PTPRT: variants seen among roughly 807,000 people sequenced by gnomAD.
The protein encoded by PTPRT is protein tyrosine phosphatase receptor type T.
In PTPRT, 56 loss-of-function variants were observed where a neutral mutation model predicts 176.8. That is an observed-to-expected ratio of 0.32 (90% CI 0.26 to 0.40). The LOEUF is 0.40. Among genes scored for constraint, PTPRT ranks in the 10% least tolerant of loss-of-function variants. The pLI, the probability that PTPRT is intolerant of heterozygous loss-of-function variation, is 1.00. For missense variants in PTPRT, 1,540 were observed against 1,908.2 expected (o/e 0.81, Z 3.60); for synonymous variants, 783 against 739.0 (o/e 1.06, Z -0.96).
At chr20:43,131,435 C>G (rs182386617) in intron 1 of PTPRT, among the ~76,000 whole-genome samples, 1 of 152,304 alleles carries the variant, frequency 6.6e-6, no homozygotes, top group Admixed American at 6.5e-5. Context: ...TTGGAACTTT[C>G]AAATGTTTCT....
At chr20:42,964,589 C>A (rs1286043103) in intron 1 of PTPRT, among the ~76,000 whole-genome samples, 1 of 151,820 alleles carries the variant, frequency 6.6e-6, no homozygotes, top group Non-Finnish European at 1.5e-5. Flanking sequence ...CCTGACAGAT[C>A]AAAAAGGAAA....
At position 42,080,504 on chromosome 20, in the gene PTPRT, G is replaced by A. The variant is rs981008560; in HGVS notation, c.*375C>T. 2 of 265,338 alleles carry A rather than the reference G, an allele frequency of 7.5e-6. No homozygotes were observed. The highest frequency in any genetic ancestry group is 1.4e-5 in the Non-Finnish European group (2 of 138,686). 16.4% of individuals were successfully genotyped at this position (265,338 alleles called of 1,614,324 possible). On this transcript the variant is annotated 3_prime_UTR_variant, in exon 31 of 31. Transcript: ENST00000373187. ...CTCCTCCACTCCTAAGGAGAAGGAG[G>A]GCAGGGGAGCCTCCCACTCCCCAGC...
chr20:43,125,771 G>A (rs538413279), intron 1 of PTPRT, among the ~76,000 whole-genome samples: 22 of 152,140 alleles, frequency 1.4e-4, no homozygotes, highest in Admixed American at 2.0e-4. Context: ...AAGCCCTCAG[G>A]GAGACCTCTG....
At chr20:42,545,863 C>T (rs2072664607) in intron 7 of PTPRT, among the ~76,000 whole-genome samples, 1 of 152,152 alleles carries the variant, frequency 6.6e-6, no homozygotes. Context: ...AAATTAAATG[C>T]ATCTGTATGT....
rs2015461660 is a variant in PTPRT at position 43,188,758 on chromosome 20, G to GGGGC, written c.88+887_88+888insGCCC. Reference sequence around the variant, plus strand: ...CCTCCGCCGCTACTCTTGGGGGGGGGGGGGCTCGGGGGTGGAAGCTGCCTG... The same window carrying GGGGC: ...CCTCCGCCGCTACTCTTGGGGGGGGGGGGCGGGGCTCGGGGGTGGAAGCTGCCTG... On this transcript the variant is annotated intron_variant, in intron 1 of 30. Coordinates refer to ENST00000373187, the MANE Select transcript of PTPRT (RefSeq NM_007050.6). 1.3e-5 allele frequency among the ~76,000 whole-genome samples: 2 copies of GGGGC among 149,564 alleles called. 1 individual carries two copies. The highest frequency in any genetic ancestry group is 4.3e-4 in the South Asian group (2 of 4,614).
At chr20:42,612,369 G>T (rs1440303290) in intron 7 of PTPRT, among the ~76,000 whole-genome samples, 2 of 152,148 alleles carry the variant, frequency 1.3e-5, no homozygotes, top group African/African-American at 2.4e-5. Flanking sequence ...GGGAAGAGGG[G>T]AGAAACACCC....
At chr20:42,490,900 T>C (rs1386930720) in intron 7 of PTPRT, among the ~76,000 whole-genome samples, 1 of 152,202 alleles carries the variant, frequency 6.6e-6, no homozygotes, top group Non-Finnish European at 1.5e-5. Flanking sequence ...AATTGGTGAA[T>C]ACCTTTATCA....
At chr20:42,216,528 C>T (rs1568680536) in intron 15 of PTPRT, among the ~76,000 whole-genome samples, 1 of 152,116 alleles carries the variant, frequency 6.6e-6, no homozygotes, top group Non-Finnish European at 1.5e-5. Context: ...CAGTCATTTG[C>T]CTATCTTCTC....
intron 1 of PTPRT, among the ~76,000 whole-genome samples, chr20:43,027,344 C>T (rs112699351): frequency 0.017 from 2,538 of 151,880 alleles, 71 homozygotes; most frequent in African/African-American, 0.058. Flanking sequence ...GGTATGGTGG[C>T]GGGTGCCCAT....
intron 7 of PTPRT, among the ~76,000 whole-genome samples, chr20:42,511,850 AT>A (rs564389875): frequency 2.2e-4 from 33 of 152,182 alleles, no homozygotes; most frequent in African/African-American, 7.9e-4. Flanking sequence ...GTTCCTACCA[AT>A]GACAGCAAAG....
At chr20:43,068,217 A>G (rs1173140176) in intron 1 of PTPRT, among the ~76,000 whole-genome samples, 2 of 147,332 alleles carry the variant, frequency 1.4e-5, no homozygotes, top group African/African-American at 5.0e-5. Flanking sequence ...TTTAAAACGA[A>G]TTAGGGGCCA....
chr20:42,400,492 G>A (rs1292919836), intron 9 of PTPRT, among the ~76,000 whole-genome samples: 1 of 152,046 alleles, frequency 6.6e-6, no homozygotes, highest in Non-Finnish European at 1.5e-5. Flanking sequence ...AGATATATGC[G>A]AAACTGGGGA....
chr20:42,620,801 G>T (rs910153210), intron 7 of PTPRT, among the ~76,000 whole-genome samples: 1 of 152,114 alleles, frequency 6.6e-6, no homozygotes, highest in African/African-American at 2.4e-5. Context: ...GCTTCGGCTT[G>T]CGCACGGTGC....
At chr20:42,418,716 G>C (rs571649251) in intron 9 of PTPRT, among the ~76,000 whole-genome samples, 1 of 152,244 alleles carries the variant, frequency 6.6e-6, no homozygotes, top group East Asian at 1.9e-4. Flanking sequence ...GATCTGGAGA[G>C]GGGTAGGGTA....
intron 9 of PTPRT, among the ~76,000 whole-genome samples, chr20:42,416,616 C>A (rs1038867259): frequency 2.0e-5 from 3 of 152,178 alleles, no homozygotes; most frequent in Non-Finnish European, 4.4e-5. Context: ...TAATTCATGG[C>A]TGACTCTGGC....
Position 43,068,438 on chromosome 20 carries a change from G to A in PTPRT, c.88+121208C>T, listed in dbSNP as rs896879968. On this transcript the variant is annotated intron_variant, in intron 1 of 30. Coordinates refer to ENST00000373187, the MANE Select transcript of PTPRT (RefSeq NM_007050.6). ...GAAGAATGGCGTGAACCCGGGAGGC[G>A]GAGGTTGCAGTAGCCGAGACCGCGC... 1.5e-4 allele frequency among the ~76,000 whole-genome samples: 23 copies of A among 150,708 alleles called. 1 individual carries two copies. Among genetic ancestry groups the A allele is most frequent in the Non-Finnish European group, 8.9e-5 (6 of 67,660 alleles).
chr20:42,744,926 C>T (rs1185796948), intron 6 of PTPRT, among the ~76,000 whole-genome samples: 3 of 152,168 alleles, frequency 2.0e-5, no homozygotes, highest in Non-Finnish European at 2.9e-5. Context: ...GAATGAGGTC[C>T]GTGGTTAGGC....
chr20:42,777,907 A>G (rs2077160191), intron 4 of PTPRT, among the ~76,000 whole-genome samples: 1 of 152,150 alleles, frequency 6.6e-6, no homozygotes, highest in African/African-American at 2.4e-5. Context: ...TCTTCACATC[A>G]TGCTTTCTGG....
At chr20:42,276,657 G>C (rs1202772143) in intron 13 of PTPRT, among the ~76,000 whole-genome samples, 1 of 149,558 alleles carries the variant, frequency 6.7e-6, no homozygotes, top group African/African-American at 2.5e-5. Flanking sequence ...AGGTCTAACA[G>C]CTAAATTTTG....
Sources: allele counts gnomAD v4.1 joint callset (sites outside exome capture counted in the v4.1 genomes callset), GRCh38; gene constraint gnomAD v4.1.1; transcripts MANE v1.5; gene names NCBI Gene and HGNC (gene_info 2026-07-23, HGNC 2026-07-21).